The following NWD2 variants were observed in gnomAD, a reference collection of about 807,000 sequenced individuals.
NWD2 encodes the protein NACHT and WD repeat domain-containing protein 2.
In NWD2, 37 loss-of-function variants were observed where a neutral mutation model predicts 132.7. The ratio of observed to expected loss-of-function variants is 0.28; its 90% CI spans 0.21 to 0.37. The LOEUF (loss-of-function observed/expected upper bound fraction) is 0.37. NWD2 is among the 10% of genes least tolerant of loss of function. NWD2 has a pLI of 1.00. For synonymous variants in NWD2, 705 were observed against 803.0 expected (o/e 0.88, Z 2.06); for missense variants, 1,592 against 2,122.4 (o/e 0.75, Z 4.91).
At chr4:37,424,294 A>T (rs1210938699) in intron 3 of NWD2, among the ~76,000 whole-genome samples, 4 of 152,190 alleles carry the variant, frequency 2.6e-5, no homozygotes, top group African/African-American at 9.6e-5. Flanking sequence ...TCAGAAGAGG[A>T]AGTAGCACAA....
At chr4:37,437,941 T>C (rs1478054647) in intron 5 of NWD2, among the ~76,000 whole-genome samples, 1 of 152,144 alleles carries the variant, frequency 6.6e-6, no homozygotes, top group African/African-American at 2.4e-5. Context: ...TGATCAGTCA[T>C]CAGAATATAA....
At chr4:37,397,351 G>A (rs1364432240) in intron 3 of NWD2, among the ~76,000 whole-genome samples, 1 of 152,148 alleles carries the variant, frequency 6.6e-6, no homozygotes, top group African/African-American at 2.4e-5. Flanking sequence ...ATTTTTCTGT[G>A]AAAGTACTTT....
At position 37,341,329 on chromosome 4, in the gene NWD2, T is replaced by C. The variant is rs113168649; in HGVS notation, c.241-15037T>C. Among the ~76,000 whole-genome samples, 263 of 152,356 alleles carry C rather than the reference T, an allele frequency of 1.7e-3. 2 individuals carry two copies. Among genetic ancestry groups the C allele is most frequent in the African/African-American group, 6.0e-3 (250 of 41,582 alleles). ...GTGTATTAAATGAATTTTCAACTTA[T>C]CATACTTTCAACTGACAACAGGTTT... On this transcript the variant is annotated intron_variant, in intron 2 of 6. Transcript: ENST00000309447.
At chr4:37,283,948 G>C (rs186105725) in intron 1 of NWD2, among the ~76,000 whole-genome samples, 163 of 152,256 alleles carry the variant, frequency 1.1e-3, no homozygotes, top group African/African-American at 3.8e-3. Flanking sequence ...ATTCTATGCA[G>C]TTGAAATACT....
chr4:37,371,147 G>C (rs1038217417), intron 3 of NWD2, among the ~76,000 whole-genome samples: 1 of 130,564 alleles, frequency 7.7e-6, no homozygotes, highest in Non-Finnish European at 1.5e-5. Flanking sequence ...GTGCAATCTC[G>C]GCTCACTGCC....
chr4:37,261,205 A>G (rs897409081), intron 1 of NWD2, among the ~76,000 whole-genome samples: 24 of 152,262 alleles, frequency 1.6e-4, no homozygotes, highest in African/African-American at 4.1e-4. Context: ...TCAGCTAGTG[A>G]AGAAGGACAC....
At position 37,402,632 on chromosome 4, in the gene NWD2, C is replaced by T. The variant is rs138324477; in HGVS notation, c.358-27940C>T. ...AATTGAATTATTATTTTGAAGTTCT[C>T]ATATGAAGAAGGCATTTATGTGTGT... On this transcript the variant is annotated intron_variant, in intron 3 of 6. Coordinates refer to ENST00000309447, the MANE Select transcript of NWD2 (RefSeq NM_001144990.2). 5.6e-3 allele frequency among the ~76,000 whole-genome samples: 859 copies of T among 152,222 alleles called. 9 individuals are homozygous for T. Among genetic ancestry groups the T allele is most frequent in the African/African-American group, 0.02 (816 of 41,530 alleles).
chr4:37,362,022 TA>T lies in NWD2; in HGVS notation c.357+5542del, dbSNP rs563198811. ...AATAAGTAACATTTCTATACACCCA[TA>T]ACGTTCAAGCTGAAAGCCAAATCAA... On this transcript the variant is annotated intron_variant, in intron 3 of 6. Coordinates refer to ENST00000309447, the MANE Select transcript of NWD2 (RefSeq NM_001144990.2). Among the ~76,000 whole-genome samples the T allele has an allele frequency of 1.2e-3, 186 of 152,150 alleles. 1 individual carries two copies. Among genetic ancestry groups the T allele is most frequent in the African/African-American group, 4.2e-3 (175 of 41,516 alleles).
rs191223801 is a variant in NWD2, at chr4:37,386,366, A to T, written c.357+29884A>T. Reference sequence around the variant, plus strand: ...TTCCTAGCTTGAAAATTGAACATAGAAGTGTAGTGTGGTTTCTGAACTTTC... The same window carrying T: ...TTCCTAGCTTGAAAATTGAACATAGTAGTGTAGTGTGGTTTCTGAACTTTC... On this transcript the variant is annotated intron_variant, in intron 3 of 6. Coordinates refer to ENST00000309447, the MANE Select transcript of NWD2 (RefSeq NM_001144990.2). Among the ~76,000 whole-genome samples, 398 of 152,222 alleles carry T rather than the reference A, an allele frequency of 2.6e-3. 1 individual carries two copies. Among genetic ancestry groups the T allele is most frequent in the African/African-American group, 9.2e-3 (381 of 41,520 alleles).
At chr4:37,342,257 G>C (rs1719543241) in intron 2 of NWD2, among the ~76,000 whole-genome samples, 1 of 152,056 alleles carries the variant, frequency 6.6e-6, no homozygotes, top group East Asian at 1.9e-4. Flanking sequence ...GAGGCTGGCA[G>C]CTCCTCCTTT....
chr4:37,287,966 A>C (rs1032671079), intron 1 of NWD2, among the ~76,000 whole-genome samples: 1 of 152,214 alleles, frequency 6.6e-6, no homozygotes, highest in African/African-American at 2.4e-5. Flanking sequence ...TAGACCATGG[A>C]ATATTACACA....
intron 5 of NWD2, among the ~76,000 whole-genome samples, chr4:37,437,628 T>TGAAGGAGGAAG (rs1240123092): frequency 3.1e-4 from 47 of 150,762 alleles, no homozygotes; most frequent in African/African-American, 1.0e-3. Context: ...AAAGGGATGG[T>TGAAGGAGGAAG]GAAGGAGGAA....
chr4:37,344,592 T>C (rs994489024), intron 2 of NWD2, among the ~76,000 whole-genome samples: 3 of 151,998 alleles, frequency 2.0e-5, no homozygotes, highest in Non-Finnish European at 4.4e-5. Flanking sequence ...TAAAGGAAAA[T>C]AAATAATGAA....
chr4:37,348,239 T>C lies in NWD2; in HGVS notation c.241-8127T>C, dbSNP rs538853324. Among the ~76,000 whole-genome samples the C allele has an allele frequency of 2.5e-4, 38 of 152,326 alleles. No homozygotes were observed. In the South Asian group the frequency reaches 5.8e-3, roughly 23 times the overall value. ...TTGGCTAACTCTAAACAAGCCTAGT[T>C]CTTTAATATTCAACTGTTAACAAGT... On this transcript the variant is annotated intron_variant, in intron 2 of 6. Coordinates refer to ENST00000309447, the MANE Select transcript of NWD2 (RefSeq NM_001144990.2).
At chr4:37,313,780 C>G (rs1718901188) in intron 1 of NWD2, among the ~76,000 whole-genome samples, 1 of 151,056 alleles carries the variant, frequency 6.6e-6, no homozygotes, top group Admixed American at 6.6e-5. Flanking sequence ...CTCACTGCAA[C>G]CTCTGCCTCC....
chr4:37,285,207 G>C (rs751055986), intron 1 of NWD2, among the ~76,000 whole-genome samples: 1 of 152,090 alleles, frequency 6.6e-6, no homozygotes, highest in Non-Finnish European at 1.5e-5. Flanking sequence ...TATGACTCTT[G>C]TGAACGTTCC....
intron 3 of NWD2, among the ~76,000 whole-genome samples, chr4:37,395,683 C>G (rs1420871014): frequency 2.6e-5 from 4 of 151,028 alleles, no homozygotes; most frequent in Non-Finnish European, 5.9e-5. Flanking sequence ...CAGATCAGCC[C>G]TCTTTGTTCT....
intron 1 of NWD2, among the ~76,000 whole-genome samples, chr4:37,290,697 A>AG (rs1351139104): frequency 2.0e-5 from 3 of 152,224 alleles, no homozygotes; most frequent in African/African-American, 4.8e-5. Flanking sequence ...TAGATAACAA[A>AG]GAGGGATGCA....
intron 1 of NWD2, among the ~76,000 whole-genome samples, chr4:37,281,712 G>A (rs1245522139): frequency 6.6e-6 from 1 of 152,138 alleles, no homozygotes; most frequent in African/African-American, 2.4e-5. Flanking sequence ...GATGGTATTT[G>A]AGCTAGGTAG....
Sources: gnomAD v4.1 joint callset for allele counts (sites outside exome capture counted in the v4.1 genomes callset) on GRCh38, gnomAD v4.1.1 for gene constraint, MANE v1.5 for transcripts, NCBI Gene and HGNC (gene_info 2026-07-23, HGNC 2026-07-21) for gene names.